Variants in SVEP1 observed in about 807,000 individuals in gnomAD.
SVEP1 encodes sushi, von Willebrand factor type A, EGF and pentraxin domain containing 1, also known as sushi, von Willebrand factor type A, EGF and pentraxin domain-containing protein 1.
SVEP1 carries 164 observed loss-of-function variants against 367.3 expected under a neutral mutation model. The ratio of observed to expected loss-of-function variants is 0.45; its 90% CI spans 0.39 to 0.51. The LOEUF is 0.51. SVEP1 is among the 20% of genes least tolerant of loss of function. The probability of loss-of-function intolerance (pLI) is 0.00; values close to 1 mark genes in which losing one functional copy is unlikely to be tolerated. For synonymous variants in SVEP1, 1,666 were observed against 1,611.6 expected (o/e 1.03, Z -0.81); for missense variants, 4,117 against 4,425.3 (o/e 0.93, Z 1.98).
intron 40 of SVEP1, 72 bp from the exon 41 acceptor site, chr9:110,389,659 A>G: frequency 1.3e-6 from 2 of 1,553,384 alleles, no homozygotes; most frequent in East Asian, 2.3e-5. Flanking sequence ...AATGCAAAGT[A>G]ATCTTAGCTA....
chr9:110,555,359 G>C (rs1176429964), intron 1 of SVEP1, among the ~76,000 whole-genome samples: 2 of 152,186 alleles, frequency 1.3e-5, no homozygotes, highest in African/African-American at 4.8e-5. Context: ...ATAGTCTGGA[G>C]CAGAGTTACT....
chr9:110,483,627 T>C lies in SVEP1; in HGVS notation c.1997A>G (p.His666Arg). ...PPPVQVSEKV[H>R]AASWDEPQFS... ...CTGAGGCTCATCCCAGCTTGCGGCA[T>C]GTACCTTCTCCGAGACCTGGACGGG... is the stretch of plus-strand genomic sequence containing the variant. Residue 666 changes from histidine (H) to arginine (R), a missense_variant, in exon 10 of 48, where the codon CAT becomes CGT. Physicochemically the swap from His to Arg is conservative, Grantham distance 29. This residue lies in a region of SVEP1 where 2,174 missense variants were observed against 2,494.3 expected (regional missense o/e 0.87). Coordinates refer to ENST00000374469, the MANE Select transcript of SVEP1 (RefSeq NM_153366.4). The C allele has an allele frequency of 6.2e-6, 10 of 1,612,794 alleles. No homozygotes were observed. The highest frequency in any genetic ancestry group is 8.5e-6 in the Non-Finnish European group (10 of 1,179,304).
intron 18 of SVEP1, among the ~76,000 whole-genome samples, chr9:110,460,859 C>T (rs947088962): frequency 2.0e-5 from 3 of 152,012 alleles, no homozygotes; most frequent in South Asian, 4.1e-4. Flanking sequence ...TTGTATTTTA[C>T]TGCTGTTATT....
chr9:110,399,919 A>G (rs13294114), intron 40 of SVEP1, among the ~76,000 whole-genome samples: 18,413 of 152,244 alleles, frequency 0.12, 1,209 homozygotes, highest in African/African-American at 0.14. Flanking sequence ...GTAATGTAAA[A>G]TAGGCCTCTT....
chr9:110,513,184 G>C, intron 4 of SVEP1, 79 bp from the exon 5 acceptor site: 1 of 1,369,042 alleles, frequency 7.3e-7, no homozygotes, highest in Non-Finnish European at 9.8e-7. Context: ...TTTCTTTCAA[G>C]GGGGCATTTA....
chr9:110,389,307 G>A (rs1827586469), intron 41 of SVEP1, among the ~76,000 whole-genome samples: 2 of 152,082 alleles, frequency 1.3e-5, no homozygotes, highest in South Asian at 4.1e-4. Flanking sequence ...CAGTAATCTT[G>A]TGTCCTATTG....
intron 3 of SVEP1, among the ~76,000 whole-genome samples, chr9:110,526,781 T>C (rs945550285): frequency 7.2e-5 from 11 of 152,144 alleles, no homozygotes; most frequent in Admixed American, 6.6e-4. Flanking sequence ...ACAATCCAGA[T>C]GTCCTTCAAC....
intron 40 of SVEP1, 33 bp from the exon 41 acceptor site, chr9:110,389,620 A>ATAAC (rs371745050): frequency 6.2e-7 from 1 of 1,610,640 alleles, no homozygotes; most frequent in East Asian, 2.2e-5. Flanking sequence ...CATCAAGATC[A>ATAAC]TAACTCTACA....
At chr9:110,376,744 G>A (rs1827356285) in intron 45 of SVEP1, 1 of 152,108 alleles carries the variant, frequency 6.6e-6, no homozygotes, top group Admixed American at 6.6e-5. Context: ...TACCTCCCTG[G>A]AATTTCAAAT....
chr9:110,569,835 T>C (rs967994863), intron 1 of SVEP1, among the ~76,000 whole-genome samples: 8 of 152,248 alleles, frequency 5.3e-5, no homozygotes, highest in African/African-American at 1.9e-4. Flanking sequence ...CTATATGCTC[T>C]GAACTTGAAA....
intron 2 of SVEP1, among the ~76,000 whole-genome samples, chr9:110,546,689 C>A (rs895656343): frequency 2.0e-5 from 3 of 152,166 alleles, no homozygotes; most frequent in Admixed American, 6.5e-5. Flanking sequence ...GTCCCCAGAT[C>A]CTTGTTCCAA....
rs758771098 is a variant in SVEP1, at chr9:110,429,269, C to T, written c.5681G>A (p.Ser1894Asn). ...ESSCLANSSW[S>N]HSPPVCEPVK... ...TGGTTCACACACAGGAGGGGAATGA[C>T]TCCAAGAACTGTTAGCAAGACAGGA... The change falls in exon 35 of 48, where the codon AGT (serine) becomes AAT (asparagine). Residue 1894 changes from serine (S) to asparagine (N), a missense_variant. Physicochemically the swap from Ser to Asn is conservative, Grantham distance 46. This residue lies in a region of SVEP1 where 2,174 missense variants were observed against 2,494.3 expected (regional missense o/e 0.87). Transcript: ENST00000374469. 4 of 1,596,596 alleles carry T rather than the reference C, an allele frequency of 2.5e-6. No individual in the cohort carries two copies. The South Asian group carries it at 4.5e-5, about 18-fold the overall frequency.
At position 110,500,519 on chromosome 9, in the gene SVEP1, T is replaced by C. The variant is rs533898008; in HGVS notation, c.1484-1281A>G. ...CTTTGCTTTTATGCTTAGTAAGTTC[T>C]GAGACTGGTTAGCATTCACTTACAT... On this transcript the variant is annotated intron_variant, in intron 6 of 47. Coordinates refer to ENST00000374469, the MANE Select transcript of SVEP1 (RefSeq NM_153366.4). Among the ~76,000 whole-genome samples, 8 of 152,340 alleles carry C rather than the reference T, an allele frequency of 5.3e-5. No individual in the cohort carries two copies. In the East Asian group the frequency reaches 1.5e-3, roughly 29 times the overall value.
intron 36 of SVEP1, among the ~76,000 whole-genome samples, chr9:110,423,200 A>G (rs1451557342): frequency 1.3e-5 from 2 of 148,926 alleles, no homozygotes; most frequent in Non-Finnish European, 3.0e-5. Flanking sequence ...AAAAAGAAAA[A>G]TTGTCAATGT....
In SVEP1 at chr9:110,483,638, C is replaced by A. The variant is rs144291523; in HGVS notation, c.1986G>T (p.Ser662=). Residue 662 remains serine (S), a synonymous_variant, in exon 10 of 48, where the codon TCG becomes TCT. Transcript: ENST00000374469. ...WCRSPPPVQV[S]EKVHAASWDE... The stretch of plus-strand genomic sequence containing the variant: ...CCCAGCTTGCGGCATGTACCTTCTC[C>A]GAGACCTGGACGGGAGGTGGAGATC... 177 of 1,611,382 alleles carry A rather than the reference C, an allele frequency of 1.1e-4. 1 individual carries two copies. The African/African-American group carries it at 2.2e-3, about 20-fold the overall frequency.
intron 18 of SVEP1, among the ~76,000 whole-genome samples, chr9:110,459,644 G>T (rs1828827590): frequency 6.6e-6 from 1 of 151,892 alleles, no homozygotes; most frequent in Admixed American, 6.6e-5. Flanking sequence ...GAATAGTTAG[G>T]TCTAAAGATT....
chr9:110,471,316 T>G, intron 16 of SVEP1, 48 bp downstream of exon 16: 1 of 1,504,394 alleles, frequency 6.6e-7, no homozygotes. Context: ...CCCATCTCAT[T>G]TGACCCAGTA....
At chr9:110,423,768 G>A (rs889327952) in intron 36 of SVEP1, among the ~76,000 whole-genome samples, 1 of 152,058 alleles carries the variant, frequency 6.6e-6, no homozygotes, top group Non-Finnish European at 1.5e-5. Context: ...AAAGGGATTG[G>A]TTTCCTGAAA....
chr9:110,524,649 C>T (rs1374722594), intron 3 of SVEP1, among the ~76,000 whole-genome samples: 1 of 151,152 alleles, frequency 6.6e-6, no homozygotes, highest in African/African-American at 2.4e-5. Context: ...AAAGTAGTAA[C>T]AGAAGAGAAT....
Sources: gnomAD v4.1 joint callset for allele counts (sites outside exome capture counted in the v4.1 genomes callset) on GRCh38, gnomAD v4.1.1 for gene constraint, gnomAD v4.1.1 regional missense constraint, MANE v1.5 for transcripts, NCBI Gene and HGNC (gene_info 2026-07-23, HGNC 2026-07-21) for gene names.